Variants in GIPC2 observed in about 807,000 individuals in gnomAD.
The protein encoded by GIPC2 is PDZ domain-containing protein GIPC2.
Under a neutral mutation model 30.6 loss-of-function variants are expected in GIPC2, and 30 were observed. The ratio of observed to expected loss-of-function variants is 0.98; its 90% confidence interval spans 0.73 to 1.33. The LOEUF (loss-of-function observed/expected upper bound fraction) is 1.33. Among genes scored for constraint, GIPC2 ranks in the 40% most tolerant of loss-of-function variants. The probability of loss-of-function intolerance (pLI) is 0.00; values close to 1 mark genes in which losing one functional copy is unlikely to be tolerated. For missense variants in GIPC2, 414 were observed against 390.3 expected, an observed-to-expected ratio of 1.06 and a Z score of -0.51; for synonymous variants, 167 against 150.0, an observed-to-expected ratio of 1.11 and a Z score of -0.83.
intron 5 of GIPC2, among the ~76,000 whole-genome samples, chr1:78,131,547 A>G (rs1310560600): frequency 3.3e-5 from 5 of 152,186 alleles, no homozygotes; most frequent in South Asian, 2.1e-4. Context: ...TTGTAATTTT[A>G]TTATAATCAA....
At chr1:78,075,616 C>T (rs1017592580) in intron 1 of GIPC2, among the ~76,000 whole-genome samples, 1 of 152,192 alleles carries the variant, frequency 6.6e-6, no homozygotes, top group African/African-American at 2.4e-5. Context: ...CTAGACCACA[C>T]ACAGATAAGG....
intron 3 of GIPC2, among the ~76,000 whole-genome samples, chr1:78,095,410 T>C (rs1662120268): frequency 6.6e-6 from 1 of 152,214 alleles, no homozygotes; most frequent in South Asian, 2.1e-4. Flanking sequence ...TGGCTGTTCC[T>C]ATCTCTGAGA....
intron 1 of GIPC2, among the ~76,000 whole-genome samples, chr1:78,051,689 G>T (rs992632497): frequency 1.3e-5 from 2 of 152,062 alleles, no homozygotes; most frequent in Non-Finnish European, 2.9e-5. Flanking sequence ...TAGTAGAGAC[G>T]GGGTTTTGCC....
intron 3 of GIPC2, among the ~76,000 whole-genome samples, chr1:78,115,589 T>G (rs1463195924): frequency 6.6e-6 from 1 of 152,208 alleles, no homozygotes; most frequent in Non-Finnish European, 1.5e-5. Flanking sequence ...TGGATACTCT[T>G]TTTGAAACTC....
intron 4 of GIPC2, among the ~76,000 whole-genome samples, chr1:78,122,320 A>T (rs189010724): frequency 2.6e-5 from 4 of 152,378 alleles, no homozygotes; most frequent in African/African-American, 7.2e-5. Context: ...TTTAAAACAA[A>T]TCACTCCTTT....
At chr1:78,119,302 A>G in intron 3 of GIPC2, 91 bp from the exon 4 acceptor site, 2 of 694,920 alleles carry the variant, frequency 2.9e-6, no homozygotes, top group Non-Finnish European at 5.0e-6. Context: ...AATTGTATAT[A>G]GTTTTGTGAT....
intron 1 of GIPC2, among the ~76,000 whole-genome samples, chr1:78,059,182 T>TA (rs567588080): frequency 1.2e-3 from 184 of 152,328 alleles, no homozygotes; most frequent in Non-Finnish European, 2.3e-3. Context: ...GTTGTCATTT[T>TA]AAAAAAGCTT....
intron 2 of GIPC2, among the ~76,000 whole-genome samples, chr1:78,087,382 C>T (rs1661950294): frequency 6.6e-6 from 1 of 152,236 alleles, no homozygotes; most frequent in African/African-American, 2.4e-5. Context: ...CAGCATGGTA[C>T]TTGTACAAAA....
In GIPC2 at chr1:78,119,321, C is replaced by T; in HGVS notation, c.608-72C>T. 3.7e-6 allele frequency: 3 copies of T among 819,330 alleles called. No homozygotes were observed. In the South Asian group the frequency reaches 4.7e-5, roughly 13 times the overall value. 50.8% of individuals were successfully genotyped at this position (819,330 alleles called of 1,614,324 possible). A position where few individuals can be genotyped will look rare whatever the true frequency, so the allele number is the denominator to read the frequency against. ...GTATATAGTTTTGTGATAGAAACTA[C>T]ATTAGCCTTCACAGTAATCTGTTGG... On this transcript the variant is annotated intron_variant, in intron 3 of 5. Transcript: ENST00000370759.
intron 4 of GIPC2, among the ~76,000 whole-genome samples, chr1:78,124,780 C>A (rs541828386): frequency 6.6e-6 from 1 of 151,988 alleles, no homozygotes; most frequent in African/African-American, 2.4e-5. Flanking sequence ...CTGAGGTGGG[C>A]GGATCACTTG....
chr1:78,117,838 T>C (rs1300779518), intron 3 of GIPC2, among the ~76,000 whole-genome samples: 5 of 152,224 alleles, frequency 3.3e-5, no homozygotes, highest in Non-Finnish European at 5.9e-5. Context: ...CAATATGTTG[T>C]TTTTAAAAGT....
chr1:78,056,450 C>T (rs985188177), intron 1 of GIPC2, among the ~76,000 whole-genome samples: 13 of 152,042 alleles, frequency 8.6e-5, no homozygotes, highest in Admixed American at 3.3e-4. Flanking sequence ...TGTACTCCAG[C>T]CTGGGCGACA....
At chr1:78,066,974 A>G (rs1571483077) in intron 1 of GIPC2, among the ~76,000 whole-genome samples, 1 of 152,158 alleles carries the variant, frequency 6.6e-6, no homozygotes, top group Non-Finnish European at 1.5e-5. Context: ...CTGTACAACA[A>G]ACTCCCATGA....
At chr1:78,094,875 C>T in intron 2 of GIPC2, 77 bp from the exon 3 acceptor site, 1 of 1,031,196 alleles carries the variant, frequency 9.7e-7, no homozygotes, top group Non-Finnish European at 1.5e-6. Flanking sequence ...ACCTGCTTAG[C>T]TTCCAAGATC....
At chr1:78,074,372 A>T (rs375954623) in intron 1 of GIPC2, among the ~76,000 whole-genome samples, 1 of 152,202 alleles carries the variant, frequency 6.6e-6, no homozygotes, top group South Asian at 2.1e-4. Flanking sequence ...GACTACAGGC[A>T]TGTGTCAGAT....
intron 3 of GIPC2, among the ~76,000 whole-genome samples, chr1:78,117,966 A>G (rs1199513671): frequency 6.6e-6 from 1 of 150,620 alleles, no homozygotes; most frequent in African/African-American, 2.5e-5. Flanking sequence ...TCTTTCTTTC[A>G]CAGGGTCTCA....
intron 1 of GIPC2, among the ~76,000 whole-genome samples, chr1:78,074,588 A>G (rs1032623862): frequency 1.3e-5 from 2 of 152,214 alleles, no homozygotes; most frequent in Admixed American, 1.3e-4. Flanking sequence ...CGTGAGGATC[A>G]AGGAGGCCAA....
chr1:78,135,746 T>C lies in GIPC2; in HGVS notation c.*3T>C. The C allele has an allele frequency of 1.9e-6, 3 of 1,608,360 alleles. No individual in the cohort carries two copies. The highest frequency in any genetic ancestry group is 1.7e-6 in the Non-Finnish European group (2 of 1,177,822). On this transcript the variant is annotated 3_prime_UTR_variant, in exon 6 of 6. Transcript: ENST00000370759. ...ATGCCAAACGAAGAGGATTATGATG[T>C]GTACACTCCATCTCTGAAGAAACAA...
At chr1:78,069,023 C>G (rs1661570760) in intron 1 of GIPC2, 4 of 974,800 alleles carry the variant, frequency 4.1e-6, no homozygotes, top group Middle Eastern at 5.3e-4. Context: ...CACCGGGAGT[C>G]TTGCAGGCAG....
Sources: gnomAD v4.1 joint callset for allele counts (sites outside exome capture counted in the v4.1 genomes callset) on GRCh38, gnomAD v4.1.1 for gene constraint, MANE v1.5 for transcripts, NCBI Gene and HGNC (gene_info 2026-07-23, HGNC 2026-07-21) for gene names.